The following GABRA3 variants were observed in gnomAD, a reference collection of about 807,000 sequenced individuals.
GABRA3 encodes gamma-aminobutyric acid receptor subunit alpha-3.
GABRA3 carries 10 observed loss-of-function variants against 30.1 expected under a neutral mutation model. That is an observed-to-expected ratio of 0.33 (90% CI 0.20 to 0.56). The LOEUF is 0.56. Among genes scored for constraint, GABRA3 ranks in the 20% least tolerant of loss-of-function variants. GABRA3 has a pLI of 0.89. For missense variants in GABRA3, 233 were observed against 392.0 expected (o/e 0.59, Z 3.42); for synonymous variants, 151 against 146.8 (o/e 1.03, Z -0.21).
At chrX:152,387,080 A>G (rs1247188610) in intron 1 of GABRA3, among the ~76,000 whole-genome samples, 7 of 101,464 alleles carry the variant, frequency 6.9e-5, no homozygotes, top group African/African-American at 2.5e-4. Flanking sequence ...TCTCACTCAT[A>G]GGTGGGAATT....
chrX:152,251,035 G>A, intron 5 of GABRA3: 1 of 280,102 alleles, frequency 3.6e-6, no homozygotes, highest in Non-Finnish European at 6.9e-6. Flanking sequence ...TCAATTGTGG[G>A]GCTGTAAAAA....
chrX:152,345,601 C>T lies in GABRA3; in HGVS notation c.242G>A (p.Arg81Gln), dbSNP rs2124481929. ...CTGACCTCCAAGCCCAGGTCGCAGCCGGTTGTCATAGCCGTCCAGAAGACG... is the reference window on the plus strand; with the variant it reads ...CTGACCTCCAAGCCCAGGTCGCAGCTGGTTGTCATAGCCGTCCAGAAGACG... ...LDRLLDGYDN[R>Q]LRPGLGDAVT... Residue 81 changes from arginine to glutamine, a missense_variant, in exon 3 of 10, where the codon CGG (arginine) becomes CAG (glutamine). Arg to Gln is a conservative substitution (Grantham distance 43). This residue lies in a region of GABRA3 where 69 missense variants were observed against 79.4 expected (regional missense o/e 0.87). Coordinates refer to ENST00000370314, the MANE Select transcript of GABRA3 (RefSeq NM_000808.4). 3 of 1,208,188 alleles carry T rather than the reference C, an allele frequency of 2.5e-6. No individual in the cohort carries two copies. Among genetic ancestry groups the T allele is most frequent in the Non-Finnish European group, 3.4e-6 (3 of 894,105 alleles).
intron 9 of GABRA3, 108 bp from the exon 10 acceptor site, chrX:152,168,671 G>A (rs1936967315): frequency 1.7e-6 from 1 of 583,680 alleles, no homozygotes; most frequent in Non-Finnish European, 2.8e-6. Flanking sequence ...CATGAGGGAA[G>A]TTAAGGCACA....
intron 6 of GABRA3, among the ~76,000 whole-genome samples, chrX:152,212,325 AAAAAAAT>A (rs1480679840): frequency 0.013 from 717 of 54,191 alleles, 128 homozygotes; most frequent in Middle Eastern, 0.022. Context: ...AAAAAAAAAA[AAAAAAAT>A]TCCAAATTGC....
intron 2 of GABRA3, among the ~76,000 whole-genome samples, chrX:152,352,335 GATA>G (rs1401847219): frequency 8.9e-6 from 1 of 111,934 alleles, no homozygotes; most frequent in East Asian, 2.8e-4. Flanking sequence ...AGGTAAATAA[GATA>G]ATAAATACAA....
chrX:152,195,351 G>A (rs984719933), intron 8 of GABRA3, among the ~76,000 whole-genome samples: 4 of 112,099 alleles, frequency 3.6e-5, no homozygotes, highest in East Asian at 2.8e-4. Flanking sequence ...CATTGAAAGC[G>A]TAACTGTTCA....
At chrX:152,170,806 G>A (rs146484404) in intron 9 of GABRA3, among the ~76,000 whole-genome samples, 3 of 112,054 alleles carry the variant, frequency 2.7e-5, no homozygotes, top group East Asian at 2.8e-4. Context: ...CGGGAAGTGC[G>A]ACAGATGAGA....
chrX:152,432,087 T>G (rs1353897893), intron 1 of GABRA3, among the ~76,000 whole-genome samples: 1 of 111,645 alleles, frequency 9.0e-6, no homozygotes, highest in East Asian at 2.8e-4. Flanking sequence ...AACAAAAAAT[T>G]AAATCGAAGT....
intron 1 of GABRA3, among the ~76,000 whole-genome samples, chrX:152,365,562 G>A (rs1208304440): frequency 4.5e-5 from 5 of 111,711 alleles, no homozygotes; most frequent in Non-Finnish European, 9.4e-5. Context: ...ATGAGACACT[G>A]AGAACTTGAA....
intron 1 of GABRA3, among the ~76,000 whole-genome samples, chrX:152,441,498 AG>A (rs1369177890): frequency 1.8e-5 from 2 of 112,056 alleles, no homozygotes; most frequent in Non-Finnish European, 3.8e-5. Context: ...TTTAAAATTA[AG>A]GTAAGTGAGG....
At chrX:152,190,018 A>G (rs1278520119) in intron 8 of GABRA3, 77 bp from the exon 9 acceptor site, 4 of 741,472 alleles carry the variant, frequency 5.4e-6, no homozygotes, top group Non-Finnish European at 5.9e-6. Context: ...CTAATTTCCT[A>G]TTTGAAAGGA....
intron 6 of GABRA3, among the ~76,000 whole-genome samples, chrX:152,217,354 A>G (rs997857229): frequency 1.3e-4 from 14 of 111,565 alleles, no homozygotes; most frequent in Non-Finnish European, 2.3e-4. Context: ...CTAGAGTTTC[A>G]CTGAAGATTT....
chrX:152,435,385 C>T (rs748233685), intron 1 of GABRA3, among the ~76,000 whole-genome samples: 22 of 111,639 alleles, frequency 2.0e-4, no homozygotes, highest in African/African-American at 6.8e-4. Context: ...GAAAATGTGG[C>T]ACATATACAC....
chrX:152,241,590 G>A (rs1938373330), intron 5 of GABRA3, among the ~76,000 whole-genome samples: 1 of 109,408 alleles, frequency 9.1e-6, no homozygotes. Flanking sequence ...AATGGCGGGC[G>A]CCCCTCCCCC....
chrX:152,431,339 T>C (rs1930646653), intron 1 of GABRA3, among the ~76,000 whole-genome samples: 1 of 112,206 alleles, frequency 8.9e-6, no homozygotes, highest in African/African-American at 3.2e-5. Context: ...AAGATAAAAC[T>C]AATAAAATAT....
At chrX:152,282,888 GGTT>G (rs1326362124) in intron 4 of GABRA3, among the ~76,000 whole-genome samples, 78 of 111,950 alleles carry the variant, frequency 7.0e-4, no homozygotes, top group African/African-American at 2.4e-3. Flanking sequence ...TGTTATTTAT[GGTT>G]GTTGGTGCAT....
chrX:152,231,160 CAT>C (rs59746110), intron 5 of GABRA3, among the ~76,000 whole-genome samples: 5,037 of 105,957 alleles, frequency 0.048, 300 homozygotes, highest in African/African-American at 0.16. Context: ...TATATACACA[CAT>C]ATATGTATAT....
At chrX:152,241,078 G>A (rs1300032871) in intron 5 of GABRA3, among the ~76,000 whole-genome samples, 68 of 109,577 alleles carry the variant, frequency 6.2e-4, no homozygotes, top group Non-Finnish European at 1.2e-3. Context: ...GGCGCTCTGC[G>A]TTTTAGAGTT....
chrX:152,307,995 A>G (rs748070407), intron 3 of GABRA3, among the ~76,000 whole-genome samples: 15 of 111,930 alleles, frequency 1.3e-4, no homozygotes, highest in African/African-American at 3.9e-4. Flanking sequence ...AGCTTGCCAC[A>G]CTCCTCTAGG....
Sources: gnomAD v4.1 joint callset for allele counts (sites outside exome capture counted in the v4.1 genomes callset) on GRCh38, gnomAD v4.1.1 for gene constraint, gnomAD v4.1.1 regional missense constraint, MANE v1.5 for transcripts, NCBI Gene and HGNC (gene_info 2026-07-23, HGNC 2026-07-21) for gene names.